The following FSTL5 variants were observed in gnomAD, a reference collection of about 807,000 sequenced individuals.
FSTL5 encodes the protein follistatin-related protein 5.
In FSTL5, 62 loss-of-function variants were observed where a neutral mutation model predicts 89.1. The observed-to-expected ratio is 0.70, with a 90% CI of 0.57 to 0.86. The LOEUF (loss-of-function observed/expected upper bound fraction) is 0.86. Ranked by LOEUF, FSTL5 falls within the 40% of genes least tolerant of loss-of-function variation. The pLI, the probability that FSTL5 is intolerant of heterozygous loss-of-function variation, is 0.00. For missense variants in FSTL5, 1,057 were observed against 1,001.6 expected, an observed-to-expected ratio of 1.06 and a Z score of -0.75; for synonymous variants, 383 against 346.2, an observed-to-expected ratio of 1.11 and a Z score of -1.18.
chr4:161,605,469 G>A (rs1035943842), intron 7 of FSTL5, among the ~76,000 whole-genome samples: 12 of 152,092 alleles, frequency 7.9e-5, no homozygotes, highest in Non-Finnish European at 1.5e-4. Context: ...GTTAACACTC[G>A]CAAGCTTTCA....
chr4:161,756,700 C>A (rs1740583545), intron 6 of FSTL5, among the ~76,000 whole-genome samples: 1 of 152,006 alleles, frequency 6.6e-6, no homozygotes, highest in Non-Finnish European at 1.5e-5. Flanking sequence ...GTATTTTAGG[C>A]AAAATTATTT....
chr4:161,715,315 G>C (rs1415041574), intron 6 of FSTL5, among the ~76,000 whole-genome samples: 1 of 152,152 alleles, frequency 6.6e-6, no homozygotes. Flanking sequence ...ATTACCCATA[G>C]TTCAGAAATC....
At chr4:162,103,996 C>T (rs554257171) in intron 2 of FSTL5, among the ~76,000 whole-genome samples, 1 of 152,308 alleles carries the variant, frequency 6.6e-6, no homozygotes, top group African/African-American at 2.4e-5. Flanking sequence ...GCTCTGTTTT[C>T]ACTCTATTAA....
chr4:161,833,719 C>T (rs1366214556), intron 4 of FSTL5, among the ~76,000 whole-genome samples: 6 of 151,458 alleles, frequency 4.0e-5, no homozygotes, highest in Non-Finnish European at 8.9e-5. Context: ...CCTTTTTTTG[C>T]TTTCCATTTG....
intron 2 of FSTL5, among the ~76,000 whole-genome samples, chr4:162,054,944 C>T (rs890522446): frequency 6.6e-6 from 1 of 151,828 alleles, no homozygotes; most frequent in Admixed American, 6.6e-5. Context: ...TTTAATAAAG[C>T]CAATTAGTTA....
intron 6 of FSTL5, among the ~76,000 whole-genome samples, chr4:161,693,026 G>T (rs1257688250): frequency 6.6e-6 from 1 of 152,046 alleles, no homozygotes; most frequent in African/African-American, 2.4e-5. Flanking sequence ...CCAGCCACTT[G>T]TATCTTAATA....
intron 7 of FSTL5, among the ~76,000 whole-genome samples, chr4:161,615,218 C>T (rs1443713101): frequency 7.0e-6 from 1 of 143,392 alleles, no homozygotes; most frequent in East Asian, 2.1e-4. Context: ...GGCGTGAACC[C>T]GGGAGGCGGA....
chr4:161,749,105 A>G (rs958774114), intron 6 of FSTL5, among the ~76,000 whole-genome samples: 13 of 152,132 alleles, frequency 8.5e-5, no homozygotes, highest in African/African-American at 3.1e-4. Flanking sequence ...CCACTATGGA[A>G]AGCAGTATGG....
chr4:161,420,549 T>C (rs1203095116), intron 15 of FSTL5, among the ~76,000 whole-genome samples: 1 of 152,104 alleles, frequency 6.6e-6, no homozygotes, highest in Non-Finnish European at 1.5e-5. Context: ...GTCAATTTTA[T>C]ATCACAGTAT....
At chr4:161,790,078 G>A (rs1729406808) in intron 4 of FSTL5, among the ~76,000 whole-genome samples, 1 of 152,094 alleles carries the variant, frequency 6.6e-6, no homozygotes, top group African/African-American at 2.4e-5. Flanking sequence ...TCCTCTCAAG[G>A]AGAAAATACT....
chr4:161,478,811 A>T (rs1052262545), intron 13 of FSTL5, among the ~76,000 whole-genome samples: 1 of 152,094 alleles, frequency 6.6e-6, no homozygotes, highest in African/African-American at 2.4e-5. Flanking sequence ...AACTACAAAT[A>T]CAGAATCCAC....
chr4:162,014,763 A>G (rs1356190244), intron 3 of FSTL5, among the ~76,000 whole-genome samples: 2 of 152,042 alleles, frequency 1.3e-5, no homozygotes, highest in African/African-American at 4.8e-5. Context: ...AGATAAAAAT[A>G]TAAGATGGTT....
At chr4:161,480,047 T>C (rs1729441200) in intron 13 of FSTL5, among the ~76,000 whole-genome samples, 2 of 152,164 alleles carry the variant, frequency 1.3e-5, no homozygotes, top group Non-Finnish European at 2.9e-5. Flanking sequence ...ACACTTTTTG[T>C]AGTGCTAGAC....
intron 4 of FSTL5, among the ~76,000 whole-genome samples, chr4:161,819,702 A>G (rs910978284): frequency 6.6e-6 from 1 of 152,164 alleles, no homozygotes; most frequent in Non-Finnish European, 1.5e-5. Context: ...GAAACCTAAA[A>G]TCAGCTGATT....
intron 4 of FSTL5, among the ~76,000 whole-genome samples, chr4:161,841,275 A>G (rs1334998540): frequency 6.6e-6 from 1 of 152,232 alleles, no homozygotes; most frequent in Non-Finnish European, 1.5e-5. Context: ...TAAATGAAAT[A>G]GAAAAGGAAA....
chr4:161,558,205 G>C (rs79303801), intron 8 of FSTL5, among the ~76,000 whole-genome samples: 5,033 of 151,840 alleles, frequency 0.033, 166 homozygotes, highest in East Asian at 0.15. Flanking sequence ...ACTATCGAAA[G>C]GAAGAGCAGA....
intron 7 of FSTL5, among the ~76,000 whole-genome samples, chr4:161,617,343 A>C (rs1168410737): frequency 6.6e-6 from 1 of 152,120 alleles, no homozygotes; most frequent in East Asian, 1.9e-4. Context: ...TTATTCTTAC[A>C]AAGAGAAAAA....
chr4:161,607,605 T>G (rs1265517419), intron 7 of FSTL5, among the ~76,000 whole-genome samples: 1 of 152,214 alleles, frequency 6.6e-6, no homozygotes, highest in Non-Finnish European at 1.5e-5. Context: ...TAATAAAGAC[T>G]GCATGGCTAT....
chr4:161,756,658 A>G (rs1324155849), intron 6 of FSTL5, among the ~76,000 whole-genome samples: 5 of 152,124 alleles, frequency 3.3e-5, no homozygotes, highest in African/African-American at 1.2e-4. Flanking sequence ...AAAACGCAGT[A>G]CTATTTTTCC....
Sources: allele counts gnomAD v4.1 joint callset (sites outside exome capture counted in the v4.1 genomes callset), GRCh38; gene constraint gnomAD v4.1.1; transcripts MANE v1.5; gene names NCBI Gene and HGNC (gene_info 2026-07-23, HGNC 2026-07-21).